The following ECE1 variants were observed in gnomAD, a reference collection of about 807,000 sequenced individuals.
ECE1 encodes endothelin converting enzyme 1.
Under a neutral mutation model 98.6 loss-of-function variants are expected in ECE1, and 35 were observed. That is an observed-to-expected ratio of 0.35 (90% CI 0.27 to 0.47). The LOEUF (loss-of-function observed/expected upper bound fraction) is 0.47, where lower values mean the gene tolerates loss of function less well. Ranked by LOEUF, ECE1 falls within the 20% of genes least tolerant of loss-of-function variation. The pLI, the probability that ECE1 is intolerant of heterozygous loss-of-function variation, is 1.00. For missense variants in ECE1, 814 were observed against 1,025.3 expected, an observed-to-expected ratio of 0.79 and a Z score of 2.81; for synonymous variants, 394 against 407.1, an observed-to-expected ratio of 0.97 and a Z score of 0.39.
Position 21,233,454 on chromosome 1 carries a change from G to T in ECE1, c.1670+104C>A, listed in dbSNP as rs1410365383. On this transcript the variant is annotated intron_variant, in intron 14 of 18. Coordinates refer to ENST00000374893, the MANE Select transcript of ECE1 (RefSeq NM_001397.3). The surrounding 1 kb of genome is among the most constrained non-coding windows in gnomAD (Gnocchi z 4.0). ...CACTCTTCAGACGGCTCTCGTGATA[G>T]CTGATCGGGTGCACAGTGAGGGTGC... 1 of 1,013,312 alleles carries T rather than the reference G, an allele frequency of 9.9e-7. No homozygotes were observed. Among genetic ancestry groups the T allele is most frequent in the African/African-American group, 1.6e-5 (1 of 62,650 alleles). 62.8% of individuals were successfully genotyped at this position (1,013,312 alleles called of 1,614,324 possible). A position where few individuals can be genotyped will look rare whatever the true frequency, so the allele number is the denominator to read the frequency against.
In ECE1 at chr1:21,226,767, C is replaced by T. The variant is rs144702449; in HGVS notation, c.1849+392G>A. On this transcript the variant is annotated intron_variant, in intron 16 of 18. Coordinates refer to ENST00000374893, the MANE Select transcript of ECE1 (RefSeq NM_001397.3). ...TTGAGATGGAGTCTCGCTCTGTCAC[C>T]CAGGCTGGACTGCAGTGGCGCAATC... 8.1e-3 allele frequency among the ~76,000 whole-genome samples: 1,227 copies of T among 152,216 alleles called. 10 individuals are homozygous for T. Among genetic ancestry groups the T allele is most frequent in the Middle Eastern group, 0.017 (5 of 294 alleles).
chr1:21,308,888 G>T (rs1638656089), intron 1 of ECE1, among the ~76,000 whole-genome samples: 1 of 152,160 alleles, frequency 6.6e-6, no homozygotes, highest in South Asian at 2.1e-4. Flanking sequence ...CAGTACCTGG[G>T]CTATGAGCCA....
At chr1:21,283,198 G>T (rs1383527126) in intron 2 of ECE1, among the ~76,000 whole-genome samples, 2 of 151,840 alleles carry the variant, frequency 1.3e-5, no homozygotes, top group African/African-American at 2.4e-5. Flanking sequence ...ACCCGCCTTG[G>T]CCTCCCAAAA....
At position 21,233,461 on chromosome 1, in the gene ECE1, G is replaced by A. The variant is rs942121810; in HGVS notation, c.1670+97C>T. The A allele has an allele frequency of 3.0e-5, 32 of 1,051,758 alleles. No individual in the cohort carries two copies. The highest frequency in any genetic ancestry group is 2.1e-4 in the Admixed American group (11 of 51,814). The allele number at this position is 1,051,758 out of a possible 1,614,324, so 65.2% of individuals were successfully genotyped here. ...CAGACGGCTCTCGTGATAGCTGATCGGGTGCACAGTGAGGGTGCAATGAAG... is the reference window on the plus strand; with the variant it reads ...CAGACGGCTCTCGTGATAGCTGATCAGGTGCACAGTGAGGGTGCAATGAAG... On this transcript the variant is annotated intron_variant, in intron 14 of 18. Coordinates refer to ENST00000374893, the MANE Select transcript of ECE1 (RefSeq NM_001397.3). This position sits in a 1 kb window ranked among gnomAD's most constrained non-coding sequence, Gnocchi z 4.0.
At chr1:21,240,373 G>C (rs1337954300) in intron 10 of ECE1, among the ~76,000 whole-genome samples, 1 of 151,930 alleles carries the variant, frequency 6.6e-6, no homozygotes, top group Non-Finnish European at 1.5e-5. Flanking sequence ...TGTAACCCCA[G>C]CTACTCGGGA....
intron 1 of ECE1, chr1:21,299,728 G>C (rs1638443318): frequency 6.6e-6 from 1 of 152,252 alleles, no homozygotes; most frequent in Admixed American, 6.5e-5. Flanking sequence ...GATGACAACA[G>C]TGTCTCCCTC....
chr1:21,289,952 G>C, intron 2 of ECE1, 118 bp downstream of exon 2: 1 of 1,209,360 alleles, frequency 8.3e-7, no homozygotes, highest in Non-Finnish European at 1.0e-6. Flanking sequence ...ATGCCGGGAC[G>C]AGGGAGGGGA....
Position 21,219,668 on chromosome 1 carries a change from C to T in ECE1, c.*287G>A, listed in dbSNP as rs777584772. ...ACAGTGGTATTTGTGGCGTATCTGG[C>T]GCTTGTCAGTGTGGGGCCCAGGCCT... On this transcript the variant is annotated 3_prime_UTR_variant, in exon 19 of 19. Coordinates refer to ENST00000374893, the MANE Select transcript of ECE1 (RefSeq NM_001397.3). The surrounding 1 kb of genome is among the most constrained non-coding windows in gnomAD (Gnocchi z 4.5). 1.8e-5 allele frequency: 9 copies of T among 499,418 alleles called. No individual in the cohort carries two copies. Among genetic ancestry groups the T allele is most frequent in the Admixed American group, 3.2e-5 (1 of 31,276 alleles). The allele number at this position is 499,418 out of a possible 1,614,324, so 30.9% of individuals were successfully genotyped here.
At position 21,247,383 on chromosome 1, in the gene ECE1, T is replaced by C. The variant is rs2098205269; in HGVS notation, c.1021-20A>G. On this transcript the variant is annotated intron_variant, in intron 8 of 18. Coordinates refer to ENST00000374893, the MANE Select transcript of ECE1 (RefSeq NM_001397.3). ...CAAGGTCTGCAAGGGAAAAGGACAG[T>C]GTGACCCTGTGGGGCTGCTCCTCCT... 1 of 1,613,996 alleles carries C rather than the reference T, an allele frequency of 6.2e-7. No individual in the cohort carries two copies. Among genetic ancestry groups the C allele is most frequent in the Non-Finnish European group, 8.5e-7 (1 of 1,180,016 alleles).
Position 21,345,307 on chromosome 1 carries a change from C to A in ECE1, c.3+69G>T. 7.5e-7 allele frequency: 1 copy of A among 1,329,490 alleles called. No homozygotes were observed. Among genetic ancestry groups the A allele is most frequent in the Non-Finnish European group, 9.7e-7 (1 of 1,032,214 alleles). 82.4% of individuals were successfully genotyped at this position (1,329,490 alleles called of 1,614,324 possible). On this transcript the variant is annotated intron_variant, in intron 1 of 18. Transcript: ENST00000415912. The surrounding 1 kb of genome is among the most constrained non-coding windows in gnomAD (Gnocchi z 5.1). ...AGCCAGGGCGGCCCCGGGTGCCACC[C>A]GCGGCACCGCTGCCCGCGACCGTCG...
In ECE1 at chr1:21,345,473, C is replaced by T. The variant is rs1028713335; in HGVS notation, c.-95G>A. 7.8e-6 allele frequency: 9 copies of T among 1,157,250 alleles called. No homozygotes were observed. The Admixed American group carries it at 1.5e-4, about 19-fold the overall frequency. The allele number at this position is 1,157,250 out of a possible 1,614,324, so 71.7% of individuals were successfully genotyped here. A position where few individuals can be genotyped will look rare whatever the true frequency, so the allele number is the denominator to read the frequency against. Reference sequence around the variant, plus strand: ...CCTGCTCCCAGCCCAGCTGCTCGGACGGCTCGGCTGCCTGGCCCAGGCGGC... The same window carrying T: ...CCTGCTCCCAGCCCAGCTGCTCGGATGGCTCGGCTGCCTGGCCCAGGCGGC... On this transcript the variant is annotated 5_prime_UTR_variant, in exon 1 of 19. Transcript: ENST00000415912. The surrounding 1 kb of genome is among the most constrained non-coding windows in gnomAD (Gnocchi z 5.1).
intron 1 of ECE1, among the ~76,000 whole-genome samples, chr1:21,310,499 G>C (rs1638697217): frequency 6.6e-6 from 1 of 152,174 alleles, no homozygotes; most frequent in Admixed American, 6.5e-5. Context: ...CAGTAGGCGT[G>C]TCCCATGCAC....
intron 9 of ECE1, among the ~76,000 whole-genome samples, chr1:21,246,086 G>A (rs1258675327): frequency 2.0e-5 from 3 of 152,078 alleles, no homozygotes; most frequent in African/African-American, 7.2e-5. Flanking sequence ...GCAACATAGT[G>A]AGACCCCATC....
At chr1:21,222,542 C>T (rs1483638281) in intron 17 of ECE1, among the ~76,000 whole-genome samples, 1 of 152,122 alleles carries the variant, frequency 6.6e-6, no homozygotes, top group Non-Finnish European at 1.5e-5. Flanking sequence ...GCTATTGCAG[C>T]ATGAAAGCAG....
chr1:21,278,001 C>G (rs1440658831), intron 3 of ECE1, among the ~76,000 whole-genome samples: 1 of 152,210 alleles, frequency 6.6e-6, no homozygotes, highest in Non-Finnish European at 1.5e-5. Context: ...GCCACCCTCA[C>G]AGACCAGCAA....
chr1:21,217,663 C>G lies in ECE1; in HGVS notation c.*2292G>C, dbSNP rs1233804528. ...CCCTCCACGCGGAAGGCAGGAGGGT[C>G]GGGGGAGGGGAGGCAGAGGGGACAC... On this transcript the variant is annotated 3_prime_UTR_variant, in exon 19 of 19. Transcript: ENST00000374893. The G allele has an allele frequency of 6.6e-6, 1 of 152,334 alleles. No individual in the cohort carries two copies. Among genetic ancestry groups the G allele is most frequent in the African/African-American group, 2.4e-5 (1 of 41,428 alleles). The allele number at this position is 152,334 out of a possible 1,614,324, so 9.4% of individuals were successfully genotyped here. A position where few individuals can be genotyped will look rare whatever the true frequency, so the allele number is the denominator to read the frequency against.
Position 21,220,209 on chromosome 1 carries a change from G to C in ECE1, c.2137-78C>G. 6.7e-7 allele frequency: 1 copy of C among 1,501,736 alleles called. No individual in the cohort carries two copies. Among genetic ancestry groups the C allele is most frequent in the Non-Finnish European group, 9.0e-7 (1 of 1,112,550 alleles). 93.0% of individuals were successfully genotyped at this position (1,501,736 alleles called of 1,614,324 possible). A position where few individuals can be genotyped will look rare whatever the true frequency, so the allele number is the denominator to read the frequency against. On this transcript the variant is annotated intron_variant, in intron 18 of 18. Coordinates refer to ENST00000374893, the MANE Select transcript of ECE1 (RefSeq NM_001397.3). The surrounding 1 kb of genome is among the most constrained non-coding windows in gnomAD (Gnocchi z 5.0). ...CCAGACTGCCCCCATTATAACAGCA[G>C]GGGAGGCCAGGTGCGGTGGCTCACA...
intron 1 of ECE1, among the ~76,000 whole-genome samples, chr1:21,302,039 C>G (rs1638496641): frequency 2.0e-5 from 3 of 152,234 alleles, no homozygotes; most frequent in African/African-American, 7.2e-5. Context: ...TGATGTGGAG[C>G]TGCAGGAAAG....
chr1:21,342,998 C>T (rs557407222), intron 1 of ECE1, among the ~76,000 whole-genome samples: 2 of 152,324 alleles, frequency 1.3e-5, no homozygotes, highest in Admixed American at 6.5e-5. Context: ...AGGTGCCAGA[C>T]CAGCCCCATT....
Sources: gnomAD v4.1 joint callset for allele counts (sites outside exome capture counted in the v4.1 genomes callset) on GRCh38, gnomAD v4.1.1 for gene constraint, Gnocchi (gnomAD v3.1) non-coding constraint, MANE v1.5 for transcripts, NCBI Gene and HGNC (gene_info 2026-07-23, HGNC 2026-07-21) for gene names.